The following ZNF804B variants were observed in gnomAD, a reference collection of about 807,000 sequenced individuals.
ZNF804B encodes the protein zinc finger protein 804B.
ZNF804B carries 80 observed loss-of-function variants against 101.4 expected under a neutral mutation model. The observed-to-expected ratio is 0.79, with a 90% CI of 0.66 to 0.95. The LOEUF is 0.95. ZNF804B is among the 40% of genes least tolerant of loss of function. The pLI is 0.00. For synonymous variants in ZNF804B, 622 were observed against 558.8 expected (o/e 1.11, Z -1.59); for missense variants, 1,673 against 1,561.9 (o/e 1.07, Z -1.20).
chr7:89,108,997 G>A (rs1352998892), intron 1 of ZNF804B, among the ~76,000 whole-genome samples: 1 of 151,990 alleles, frequency 6.6e-6, no homozygotes, highest in East Asian at 1.9e-4. Flanking sequence ...TAGTATTGGA[G>A]GGGAAAAAAG....
intron 1 of ZNF804B, among the ~76,000 whole-genome samples, chr7:88,792,501 C>A (rs1790396080): frequency 6.6e-6 from 1 of 152,124 alleles, no homozygotes. Flanking sequence ...CTCTCCCAAA[C>A]CACTTTCACA....
intron 1 of ZNF804B, among the ~76,000 whole-genome samples, chr7:88,865,358 C>T (rs1791711145): frequency 1.3e-5 from 2 of 151,810 alleles, no homozygotes; most frequent in African/African-American, 4.8e-5. Context: ...ATAGGGAAAC[C>T]TTGTCTCTAC....
rs1032772958 is a variant in ZNF804B at position 89,148,457 on chromosome 7, G to A, written c.109-69698G>A. 3.3e-5 allele frequency among the ~76,000 whole-genome samples: 5 copies of A among 151,890 alleles called. No homozygotes were observed. The East Asian group carries it at 9.7e-4, about 29-fold the overall frequency. On this transcript the variant is annotated intron_variant, in intron 1 of 3. Transcript: ENST00000333190. ...AAATAGGCAAGGCATTCATTCTCTT[G>A]GAAAATTCCATGTCATTCTATTTGC...
At chr7:88,880,733 A>C (rs1792017840) in intron 1 of ZNF804B, among the ~76,000 whole-genome samples, 1 of 152,150 alleles carries the variant, frequency 6.6e-6, no homozygotes, top group African/African-American at 2.4e-5. Flanking sequence ...AATTTTAATT[A>C]AATTTTTCTT....
At chr7:89,141,703 T>C (rs1028874168) in intron 1 of ZNF804B, among the ~76,000 whole-genome samples, 25 of 152,096 alleles carry the variant, frequency 1.6e-4, no homozygotes, top group Admixed American at 4.6e-4. Flanking sequence ...TTCCAATTTT[T>C]CCACATCTTG....
chr7:89,243,818 G>C (rs930062585), intron 2 of ZNF804B, among the ~76,000 whole-genome samples: 3 of 151,648 alleles, frequency 2.0e-5, no homozygotes, highest in African/African-American at 7.3e-5. Context: ...ATTTACTTAG[G>C]AGTCAAAAGT....
Position 89,153,875 on chromosome 7 carries a change from T to C in ZNF804B, c.109-64280T>C, listed in dbSNP as rs150641751. Among the ~76,000 whole-genome samples the C allele has an allele frequency of 5.4e-4, 83 of 152,330 alleles. 2 individuals carry two copies. In the East Asian group the frequency reaches 0.015, roughly 28 times the overall value. Reference sequence around the variant, plus strand: ...CTTGAGACAGTAGCCTATTCTGTTATCTGTGAAAGGTTCTTCATAGATGCT... The same window carrying C: ...CTTGAGACAGTAGCCTATTCTGTTACCTGTGAAAGGTTCTTCATAGATGCT... On this transcript the variant is annotated intron_variant, in intron 1 of 3. Coordinates refer to ENST00000333190, the MANE Select transcript of ZNF804B (RefSeq NM_181646.5).
chr7:88,928,399 G>A (rs1349572467), intron 1 of ZNF804B, among the ~76,000 whole-genome samples: 1 of 152,122 alleles, frequency 6.6e-6, no homozygotes, highest in East Asian at 1.9e-4. Flanking sequence ...ACAGTTTTAA[G>A]TATTTTTAGC....
intron 2 of ZNF804B, among the ~76,000 whole-genome samples, chr7:89,310,122 C>A (rs1387408232): frequency 6.6e-6 from 1 of 151,694 alleles, no homozygotes; most frequent in Non-Finnish European, 1.5e-5. Flanking sequence ...TGCTCTGAGC[C>A]CTTCTTCCTG....
chr7:89,148,820 AATTC>A (rs1790827754), intron 1 of ZNF804B, among the ~76,000 whole-genome samples: 4 of 152,204 alleles, frequency 2.6e-5, no homozygotes, highest in Non-Finnish European at 5.9e-5. Context: ...CCCTTATGTG[AATTC>A]ATTCAATCTA....
intron 1 of ZNF804B, among the ~76,000 whole-genome samples, chr7:88,800,383 C>T (rs1790559831): frequency 6.6e-6 from 1 of 152,068 alleles, no homozygotes; most frequent in African/African-American, 2.4e-5. Flanking sequence ...AAGGAGAGCG[C>T]AGGCTAGGAA....
chr7:89,052,575 G>A (rs1789223819), intron 1 of ZNF804B, among the ~76,000 whole-genome samples: 1 of 152,024 alleles, frequency 6.6e-6, no homozygotes, highest in East Asian at 1.9e-4. Flanking sequence ...TTTATTTGAG[G>A]TCATTTTCAC....
chr7:89,054,472 CA>C (rs1237397096), intron 1 of ZNF804B, among the ~76,000 whole-genome samples: 1 of 151,722 alleles, frequency 6.6e-6, no homozygotes, highest in Admixed American at 6.6e-5. Flanking sequence ...TGGCACAATA[CA>C]TTTTCTTTTA....
At chr7:89,220,823 A>T (rs929649579) in intron 2 of ZNF804B, among the ~76,000 whole-genome samples, 8 of 152,054 alleles carry the variant, frequency 5.3e-5, no homozygotes, top group African/African-American at 1.9e-4. Context: ...GTATATTTTA[A>T]TCTATAGGTT....
At chr7:88,961,744 T>C (rs1168945291) in intron 1 of ZNF804B, among the ~76,000 whole-genome samples, 1 of 151,144 alleles carries the variant, frequency 6.6e-6, no homozygotes, top group African/African-American at 2.4e-5. Flanking sequence ...ACAAACTATA[T>C]CACCAAAAGC....
At chr7:88,849,390 GAA>G (rs1159351504) in intron 1 of ZNF804B, among the ~76,000 whole-genome samples, 3 of 151,838 alleles carry the variant, frequency 2.0e-5, no homozygotes, top group African/African-American at 4.8e-5. Flanking sequence ...TAAGAAAAAT[GAA>G]AAGAGTGGGC....
At position 89,334,227 on chromosome 7, in the gene ZNF804B, TA is replaced by T. The variant is rs1562743514; in HGVS notation, c.1249del (p.Thr417GlnfsTer12). On this transcript the variant is annotated frameshift_variant, in exon 4 of 4. Transcript: ENST00000333190. LOFTEE classifies it high-confidence loss of function. ...RIENREKSLD[K>X]TERVSKNVQR... is the part of the protein sequence containing the mutation. ...TAGAGAACAGAGAAAAATCTTTAGA[TA>T]AAACAGAAAGAGTTAGCAAAAATGT... 6.2e-7 allele frequency: 1 copy of T among 1,613,544 alleles called. No homozygotes were observed. The highest frequency in any genetic ancestry group is 1.1e-5 in the South Asian group (1 of 91,068).
intron 1 of ZNF804B, among the ~76,000 whole-genome samples, chr7:88,873,427 C>T (rs906557173): frequency 3.3e-5 from 5 of 152,114 alleles, no homozygotes; most frequent in Admixed American, 3.3e-4. Context: ...GTTGCCTGTT[C>T]ACTCTGATGG....
chr7:89,277,260 T>C (rs934740180), intron 2 of ZNF804B, among the ~76,000 whole-genome samples: 8 of 150,310 alleles, frequency 5.3e-5, no homozygotes, highest in African/African-American at 2.0e-4. Context: ...TATATTTAGC[T>C]TATTAGTCAT....
Sources: gnomAD v4.1 joint callset for allele counts (sites outside exome capture counted in the v4.1 genomes callset) on GRCh38, gnomAD v4.1.1 for gene constraint, MANE v1.5 for transcripts, NCBI Gene and HGNC (gene_info 2026-07-23, HGNC 2026-07-21) for gene names.